The following IQCM variants were observed in gnomAD, a reference collection of about 807,000 sequenced individuals.
IQCM encodes the protein IQ domain-containing protein M.
In IQCM, 45 loss-of-function variants were observed where a neutral mutation model predicts 57.6. That is an observed-to-expected ratio of 0.78 (90% CI 0.62 to 1.00). The LOEUF is 1.00. Among genes scored for constraint, IQCM ranks in the 50% least tolerant of loss-of-function variants. IQCM has a pLI of 0.00. For synonymous variants in IQCM, 148 were observed against 158.9 expected (o/e 0.93, Z 0.51); for missense variants, 468 against 511.6 (o/e 0.91, Z 0.82).
intron 13 of IQCM, among the ~76,000 whole-genome samples, chr4:149,415,086 A>G (rs1014001256): frequency 6.6e-6 from 1 of 152,192 alleles, no homozygotes; most frequent in African/African-American, 2.4e-5. Flanking sequence ...ACTTCTAAAA[A>G]TGTCAATTAT....
At chr4:149,579,330 T>C (rs1751950570) in intron 9 of IQCM, among the ~76,000 whole-genome samples, 1 of 151,832 alleles carries the variant, frequency 6.6e-6, no homozygotes, top group South Asian at 2.1e-4. Context: ...GCCATTTCTA[T>C]TCCAGGGGAG....
chr4:149,490,513 T>A (rs1389936396), intron 12 of IQCM, among the ~76,000 whole-genome samples: 2 of 152,054 alleles, frequency 1.3e-5, no homozygotes, highest in Non-Finnish European at 1.5e-5. Flanking sequence ...ATGAGCCAAA[T>A]CAGGTAAGAC....
intron 5 of IQCM, among the ~76,000 whole-genome samples, chr4:149,699,257 CA>C (rs1478582193): frequency 6.6e-6 from 1 of 151,946 alleles, no homozygotes; most frequent in Non-Finnish European, 1.5e-5. Context: ...TTATAAGATA[CA>C]AAAGTGCTCA....
At chr4:149,656,647 C>A (rs1461827253) in intron 7 of IQCM, among the ~76,000 whole-genome samples, 1 of 152,098 alleles carries the variant, frequency 6.6e-6, no homozygotes, top group African/African-American at 2.4e-5. Flanking sequence ...GCTGCCTTCA[C>A]AAAGTATCAG....
At chr4:149,482,850 AT>A (rs887613289) in intron 12 of IQCM, among the ~76,000 whole-genome samples, 7 of 150,598 alleles carry the variant, frequency 4.6e-5, no homozygotes, top group African/African-American at 1.5e-4. Flanking sequence ...TAGAATTGGT[AT>A]TTTTTTTAAT....
chr4:149,703,474 T>C (rs923239436), intron 5 of IQCM, among the ~76,000 whole-genome samples: 1 of 151,796 alleles, frequency 6.6e-6, no homozygotes, highest in Non-Finnish European at 1.5e-5. Context: ...TCAAAAAAAA[T>C]GGTTGGGAAG....
rs34989034 is a variant in IQCM, at chr4:149,493,884, CAAA to C, written c.1228+54568_1228+54570del. Among the ~76,000 whole-genome samples, 503 of 146,294 alleles carry C rather than the reference CAAA, an allele frequency of 3.4e-3. 1 individual carries two copies. The highest frequency in any genetic ancestry group is 0.01 in the East Asian group (50 of 4,996). The stretch of plus-strand genomic sequence containing the variant: ...TACAGGGAAAGGAATCTGGAAATGA[CAAA>C]AAAAAAAAAAAATCTATATTCTGCC... On this transcript the variant is annotated intron_variant, in intron 12 of 13. Transcript: ENST00000636793.
In IQCM at chr4:149,480,344, T is replaced by A. The variant is rs1253872379; in HGVS notation, c.1229-46787A>T. On this transcript the variant is annotated intron_variant, in intron 12 of 13. Transcript: ENST00000636793. Reference sequence around the variant, plus strand: ...TATAGCCCCCTGTTGTGCTATCAAATACTAGGTCTTATTTATTTTTTCTTT... The same window carrying A: ...TATAGCCCCCTGTTGTGCTATCAAAAACTAGGTCTTATTTATTTTTTCTTT... 2.0e-5 allele frequency among the ~76,000 whole-genome samples: 3 copies of A among 152,166 alleles called. No homozygotes were observed. The East Asian group carries it at 5.8e-4, about 29-fold the overall frequency.
At chr4:149,631,407 CA>C (rs1205097557) in intron 7 of IQCM, among the ~76,000 whole-genome samples, 1 of 152,000 alleles carries the variant, frequency 6.6e-6, no homozygotes, top group Non-Finnish European at 1.5e-5. Flanking sequence ...GGGACTCCAA[CA>C]TAAAAATAAA....
intron 12 of IQCM, among the ~76,000 whole-genome samples, chr4:149,487,077 G>A (rs757226060): frequency 2.6e-4 from 40 of 152,144 alleles, no homozygotes; most frequent in Non-Finnish European, 7.4e-5. Context: ...CAGAGTCCAA[G>A]GCTCACAGTG....
chr4:149,618,421 G>A (rs528807173), intron 8 of IQCM, among the ~76,000 whole-genome samples: 1 of 152,036 alleles, frequency 6.6e-6, no homozygotes, highest in Admixed American at 6.6e-5. Flanking sequence ...CTAGGAAAAA[G>A]TCTTCTGGAC....
intron 5 of IQCM, among the ~76,000 whole-genome samples, chr4:149,723,918 CT>C (rs34950462): frequency 2.5e-4 from 37 of 147,630 alleles, no homozygotes; most frequent in African/African-American, 7.7e-4. Context: ...TGGGCCTGTG[CT>C]TTTTTTTTTC....
chr4:149,792,588 A>G (rs1223521718), intron 2 of IQCM, among the ~76,000 whole-genome samples: 1 of 152,168 alleles, frequency 6.6e-6, no homozygotes, highest in East Asian at 1.9e-4. Flanking sequence ...GTCATTTCCA[A>G]AATGCATCAT....
At chr4:149,431,759 T>C (rs1012236689) in intron 13 of IQCM, among the ~76,000 whole-genome samples, 6 of 151,996 alleles carry the variant, frequency 3.9e-5, no homozygotes, top group African/African-American at 1.4e-4. Context: ...CTCTGGCTTC[T>C]TTCACTTAAT....
intron 12 of IQCM, among the ~76,000 whole-genome samples, chr4:149,470,300 A>C (rs971720883): frequency 3.3e-5 from 5 of 152,154 alleles, no homozygotes; most frequent in Non-Finnish European, 5.9e-5. Context: ...AAATGGAAAA[A>C]AAAAAAAGCA....
intron 2 of IQCM, among the ~76,000 whole-genome samples, chr4:149,765,100 A>C (rs891264599): frequency 6.6e-6 from 1 of 152,112 alleles, no homozygotes; most frequent in Non-Finnish European, 1.5e-5. Context: ...ATTACCAAAA[A>C]AAATTTCTTT....
intron 12 of IQCM, among the ~76,000 whole-genome samples, chr4:149,526,809 A>T (rs909851098): frequency 1.3e-5 from 2 of 152,262 alleles, no homozygotes; most frequent in East Asian, 1.9e-4. Context: ...TCCAGAATTT[A>T]AAAAATTACC....
intron 12 of IQCM, among the ~76,000 whole-genome samples, chr4:149,468,216 C>T (rs1847356): frequency 0.15 from 23,452 of 152,102 alleles, 2,181 homozygotes; most frequent in South Asian, 0.33. Flanking sequence ...CAGGAAATTC[C>T]CTTTCCTAGC....
intron 7 of IQCM, among the ~76,000 whole-genome samples, chr4:149,671,841 G>T (rs1761315552): frequency 6.6e-6 from 1 of 152,202 alleles, no homozygotes; most frequent in African/African-American, 2.4e-5. Flanking sequence ...TGATCTGAGA[G>T]ACAGTTTGTT....
Sources: allele counts gnomAD v4.1 joint callset (sites outside exome capture counted in the v4.1 genomes callset), GRCh38; gene constraint gnomAD v4.1.1; transcripts MANE v1.5; gene names NCBI Gene and HGNC (gene_info 2026-07-23, HGNC 2026-07-21).